Variants in PDE4B observed in about 807,000 individuals in gnomAD.
PDE4B encodes the protein 3',5'-cyclic-AMP phosphodiesterase 4B.
A neutral mutation model predicts 82.2 loss-of-function variants in PDE4B; 20 were observed. The observed-to-expected ratio is 0.24, with a 90% CI of 0.17 to 0.35. The LOEUF (loss-of-function observed/expected upper bound fraction) is 0.35, where lower values mean the gene tolerates loss of function less well. Ranked by LOEUF, PDE4B falls within the 10% of genes least tolerant of loss-of-function variation. The pLI is 1.00. For missense variants in PDE4B, 655 were observed against 907.2 expected, an observed-to-expected ratio of 0.72 and a Z score of 3.57; for synonymous variants, 320 against 318.9, an observed-to-expected ratio of 1.00 and a Z score of -0.04.
chr1:66,032,923 G>A lies in PDE4B; in HGVS notation c.281+114088G>A, dbSNP rs922199618. Among the ~76,000 whole-genome samples the A allele has an allele frequency of 9.2e-5, 14 of 152,128 alleles. No homozygotes were observed. The South Asian group carries it at 2.7e-3, about 29-fold the overall frequency. On this transcript the variant is annotated intron_variant, in intron 3 of 16. Transcript: ENST00000341517. The stretch of plus-strand genomic sequence containing the variant: ...CCCGCCTCAGCCTCCCAAAGTGCTG[G>A]GATTACAGGCGTGAGCCACCACGCC...
At chr1:66,072,537 A>G (rs957863138) in intron 3 of PDE4B, among the ~76,000 whole-genome samples, 1 of 152,142 alleles carries the variant, frequency 6.6e-6, no homozygotes, top group African/African-American at 2.4e-5. Context: ...CCTCCAGACT[A>G]CTAACAAGCT....
At chr1:65,944,987 C>T (rs1648634272) in intron 3 of PDE4B, among the ~76,000 whole-genome samples, 1 of 151,900 alleles carries the variant, frequency 6.6e-6, no homozygotes, top group Non-Finnish European at 1.5e-5. Context: ...TCCTGATCAT[C>T]AAGGAAAGTT....
intron 3 of PDE4B, among the ~76,000 whole-genome samples, chr1:66,031,537 T>G (rs1653776441): frequency 6.6e-6 from 1 of 152,232 alleles, no homozygotes. Context: ...TCCCTATTAT[T>G]TCAGAATTGG....
intron 3 of PDE4B, among the ~76,000 whole-genome samples, chr1:66,117,355 A>G (rs1645616709): frequency 6.6e-6 from 1 of 152,196 alleles, no homozygotes; most frequent in South Asian, 2.1e-4. Flanking sequence ...CCCTCTTCAC[A>G]ACTGTTTATA....
At chr1:66,263,729 G>A (rs970768785) in intron 6 of PDE4B, among the ~76,000 whole-genome samples, 25 of 152,166 alleles carry the variant, frequency 1.6e-4, no homozygotes, top group Non-Finnish European at 2.9e-5. Flanking sequence ...TCTTGGCTAA[G>A]AGGATGGCAT....
chr1:65,824,699 C>T (rs527367342), intron 1 of PDE4B, among the ~76,000 whole-genome samples: 66 of 151,468 alleles, frequency 4.4e-4, no homozygotes, highest in South Asian at 3.6e-3. Context: ...CCAATAAATT[C>T]TCTGATGTGC....
chr1:65,891,316 A>G (rs1231597727), intron 1 of PDE4B, among the ~76,000 whole-genome samples: 1 of 152,098 alleles, frequency 6.6e-6, no homozygotes, highest in Non-Finnish European at 1.5e-5. Context: ...CTCTTTGTAC[A>G]TTTTATATGA....
intron 3 of PDE4B, among the ~76,000 whole-genome samples, chr1:66,190,251 G>A (rs1261876360): frequency 6.6e-6 from 1 of 152,180 alleles, no homozygotes; most frequent in African/African-American, 2.4e-5. Context: ...TCTACTGGGG[G>A]GTGCCTCCCA....
intron 3 of PDE4B, among the ~76,000 whole-genome samples, chr1:66,191,924 G>A (rs1040390315): frequency 1.3e-5 from 2 of 152,094 alleles, no homozygotes. Context: ...TAGTATGGGG[G>A]AAAACACCCC....
At chr1:66,088,092 C>G (rs1472850444) in intron 3 of PDE4B, among the ~76,000 whole-genome samples, 1 of 151,790 alleles carries the variant, frequency 6.6e-6, no homozygotes, top group African/African-American at 2.4e-5. Flanking sequence ...ACAGCTTGAG[C>G]TGAGGTTGTT....
intron 8 of PDE4B, among the ~76,000 whole-genome samples, chr1:66,336,714 G>A (rs1447786173): frequency 9.7e-6 from 1 of 102,594 alleles, no homozygotes; most frequent in Non-Finnish European, 2.3e-5. Context: ...AGATAGAAAT[G>A]GAAGATAGAT....
intron 3 of PDE4B, among the ~76,000 whole-genome samples, chr1:65,930,184 C>T (rs532674654): frequency 3.3e-5 from 5 of 152,276 alleles, no homozygotes; most frequent in African/African-American, 9.6e-5. Context: ...CTCCTTTTCA[C>T]GTTTTTCTGC....
At chr1:65,991,373 G>C (rs537511694) in intron 3 of PDE4B, among the ~76,000 whole-genome samples, 1 of 152,058 alleles carries the variant, frequency 6.6e-6, no homozygotes. Flanking sequence ...GAGCCACCAC[G>C]CTCAGCCCAA....
intron 4 of PDE4B, 57 bp from the exon 5 acceptor site, chr1:66,257,590 T>G: frequency 7.2e-7 from 1 of 1,389,708 alleles, no homozygotes; most frequent in South Asian, 1.2e-5. Flanking sequence ...ATAGCTTATA[T>G]GTCACAGTTA....
Position 66,081,832 on chromosome 1 carries a change from CTGTGTG to C in PDE4B, c.281+163027_281+163032del, listed in dbSNP as rs1242686089. ...ACTCTCTCTCTCTCTCTCTCTCTCTCTGTGTGTGTGTGTGTGTGTGTGTGTGTGTGT... is the reference window on the plus strand; with the variant it reads ...ACTCTCTCTCTCTCTCTCTCTCTCTCTGTGTGTGTGTGTGTGTGTGTGTGT... On this transcript the variant is annotated intron_variant, in intron 3 of 16. Coordinates refer to ENST00000341517, the MANE Select transcript of PDE4B (RefSeq NM_002600.4). Among the ~76,000 whole-genome samples the C allele has an allele frequency of 1.8e-3, 223 of 125,190 alleles. 1 individual carries two copies. Among genetic ancestry groups the C allele is most frequent in the African/African-American group, 6.3e-3 (209 of 33,404 alleles). 82.1% of individuals were successfully genotyped at this position (125,190 alleles called of 152,430 possible). A position where few individuals can be genotyped will look rare whatever the true frequency, so the allele number is the denominator to read the frequency against.
In PDE4B at chr1:65,909,854, C is replaced by T. The variant is rs570331300; in HGVS notation, c.-70-3391C>T. 1.1e-4 allele frequency among the ~76,000 whole-genome samples: 17 copies of T among 152,088 alleles called. 1 individual carries two copies. In the South Asian group the frequency reaches 3.5e-3, roughly 32 times the overall value. ...ATCTTTTAATATCACTCCTTTTTGT[C>T]CTTACGCTAGTAGGGAGCATGGCTC... On this transcript the variant is annotated intron_variant, in intron 1 of 16. Transcript: ENST00000341517.
intron 3 of PDE4B, among the ~76,000 whole-genome samples, chr1:66,031,661 C>G (rs1653782974): frequency 6.6e-6 from 1 of 152,108 alleles, no homozygotes; most frequent in Non-Finnish European, 1.5e-5. Flanking sequence ...TTTTTCCATA[C>G]TCTTTAGTTC....
At chr1:65,900,970 G>T (rs1019598498) in intron 1 of PDE4B, among the ~76,000 whole-genome samples, 1 of 151,994 alleles carries the variant, frequency 6.6e-6, no homozygotes, top group Non-Finnish European at 1.5e-5. Flanking sequence ...GATTGCTCTG[G>T]CTAGGACTTC....
chr1:66,188,686 G>A (rs1570429449), intron 3 of PDE4B, among the ~76,000 whole-genome samples: 5 of 151,614 alleles, frequency 3.3e-5, no homozygotes. Flanking sequence ...CCATTTGCTT[G>A]GTAGATCTTC....
Sources: gnomAD v4.1 joint callset for allele counts (sites outside exome capture counted in the v4.1 genomes callset) on GRCh38, gnomAD v4.1.1 for gene constraint, MANE v1.5 for transcripts, NCBI Gene and HGNC (gene_info 2026-07-23, HGNC 2026-07-21) for gene names.